Variants in ABCC12 observed in about 807,000 individuals in gnomAD.
The protein encoded by ABCC12 is ATP binding cassette subfamily C member 12, also known as ATP-binding cassette sub-family C member 12.
Under a neutral mutation model 151.1 loss-of-function variants are expected in ABCC12, and 142 were observed. The ratio of observed to expected loss-of-function variants is 0.94; its 90% CI spans 0.82 to 1.08. The LOEUF (loss-of-function observed/expected upper bound fraction) is 1.08. Among genes scored for constraint, ABCC12 ranks in the 50% least tolerant of loss-of-function variants. ABCC12 has a pLI of 0.00. For missense variants in ABCC12, 1,638 were observed against 1,691.1 expected, an observed-to-expected ratio of 0.97 and a Z score of 0.55; for synonymous variants, 645 against 646.4, an observed-to-expected ratio of 1.00 and a Z score of 0.03.
intron 24 of ABCC12, 175 bp from the exon 25 acceptor site, chr16:48,091,384 G>A: frequency 1.6e-6 from 1 of 618,976 alleles, no homozygotes; most frequent in Non-Finnish European, 2.9e-6. Context: ...ATTCCTGTTC[G>A]GGTGTTTTGC....
chr16:48,086,911 G>C, intron 27 of ABCC12, 92 bp from the exon 28 acceptor site: 1 of 1,062,018 alleles, frequency 9.4e-7, no homozygotes, highest in Non-Finnish European at 1.4e-6. Context: ...GTGGAGGAGG[G>C]TAGGAGGTGG....
At chr16:48,144,170 G>T in intron 3 of ABCC12, 105 bp from the exon 4 acceptor site, 1 of 1,367,222 alleles carries the variant, frequency 7.3e-7, no homozygotes, top group Non-Finnish European at 9.9e-7. Context: ...GCTGCACTCA[G>T]AATCTGTGAC....
chr16:48,086,994 C>G (rs566066183), intron 27 of ABCC12, among the ~76,000 whole-genome samples, 175 bp from the exon 28 acceptor site: 2 of 152,258 alleles, frequency 1.3e-5, no homozygotes, highest in Admixed American at 1.3e-4. Context: ...GACCTCAGGC[C>G]ACGAGACCAA....
At chr16:48,139,481 T>C (rs112203436) in intron 6 of ABCC12, 145 bp from the exon 7 acceptor site, 1 of 794,216 alleles carries the variant, frequency 1.3e-6, no homozygotes, top group African/African-American at 1.7e-5. Context: ...GGGACCAATA[T>C]GATGAGTTTT....
At chr16:48,138,550 TG>T (rs979499547) in intron 7 of ABCC12, among the ~76,000 whole-genome samples, 175 bp from the exon 8 acceptor site, 16 of 152,116 alleles carry the variant, frequency 1.1e-4, no homozygotes, top group Admixed American at 2.6e-4. Context: ...AGGAACACCA[TG>T]GGGGGTCAGG....
intron 2 of ABCC12, among the ~76,000 whole-genome samples, chr16:48,147,628 C>T (rs1461304718): frequency 6.6e-6 from 1 of 152,162 alleles, no homozygotes; most frequent in African/African-American, 2.4e-5. Flanking sequence ...AGAGGAAGGA[C>T]TTACTCAAGA....
chr16:48,133,757 A>G lies in ABCC12; in HGVS notation c.1058T>C (p.Val353Ala), dbSNP rs900784943. 3 of 1,614,166 alleles carry G rather than the reference A, an allele frequency of 1.9e-6. No homozygotes were observed. Among genetic ancestry groups the G allele is most frequent in the Non-Finnish European group, 2.5e-6 (3 of 1,180,034 alleles). ...QSGNSALAPI[V>A]STIAIVLTLS... ...TGTCAGCACGATGGCTATGGTGGACACGATGGGGGCCAGGGCAGAGTTTCC... is the reference window on the plus strand; with the variant it reads ...TGTCAGCACGATGGCTATGGTGGACGCGATGGGGGCCAGGGCAGAGTTTCC... Residue 353 changes from valine to alanine, a missense_variant, in exon 9 of 31, where the codon GTG (valine) becomes GCG (alanine). By Grantham distance (64) the Val-to-Ala change is moderately conservative (BLOSUM62 0). Coordinates refer to ENST00000311303, the MANE Select transcript of ABCC12 (RefSeq NM_001393797.1).
chr16:48,143,931 G>A lies in ABCC12; in HGVS notation c.254C>T (p.Ser85Leu), dbSNP rs769436279. 5.6e-6 allele frequency: 9 copies of A among 1,613,876 alleles called. No individual in the cohort carries two copies. In the Admixed American group the frequency reaches 8.3e-5, roughly 15 times the overall value. ...GTACCTTTTGGCATTGGTGTCAGAT[G>A]AGTCATATGTCGACAATGGGGGCAG... The part of the protein sequence containing the change: ...DTLPPLSTYD[S>L]SDTNAKRFRV... Residue 85 changes from serine to leucine, a missense_variant, in exon 4 of 31, where the codon TCA becomes TTA. Transcript: ENST00000311303.
Position 48,094,717 on chromosome 16 carries a change from C to T in ABCC12, c.3195+2029G>A, listed in dbSNP as rs1963031439. ...GGATAAATTGGGCTCTCTGAATAGT[C>T]CCCTGCATAAAAACTCCTTTAAGTC... On this transcript the variant is annotated intron_variant, in intron 24 of 30. Transcript: ENST00000311303. Among the ~76,000 whole-genome samples, 3 of 152,272 alleles carry T rather than the reference C, an allele frequency of 2.0e-5. No individual in the cohort carries two copies. In the South Asian group the frequency reaches 6.2e-4, roughly 32 times the overall value.
At chr16:48,093,650 A>T (rs1436864104) in intron 24 of ABCC12, among the ~76,000 whole-genome samples, 1 of 152,190 alleles carries the variant, frequency 6.6e-6, no homozygotes, top group African/African-American at 2.4e-5. Context: ...CCACTAGCAC[A>T]GTTCCTGGCT....
Position 48,083,612 on chromosome 16 carries a change from G to GA in ABCC12, c.*102dup. ...GCTCACTCCGTGGATGGGAGGGGCT[G>GA]AAGACCAGGGCTGCCTGCGGAGAGG... is the stretch of plus-strand genomic sequence containing the variant. On this transcript the variant is annotated 3_prime_UTR_variant, in exon 31 of 31. Coordinates refer to ENST00000311303, the MANE Select transcript of ABCC12 (RefSeq NM_001393797.1). The GA allele has an allele frequency of 8.2e-7, 1 of 1,212,628 alleles. No individual in the cohort carries two copies. The highest frequency in any genetic ancestry group is 1.3e-5 in the South Asian group (1 of 74,230). The allele number at this position is 1,212,628 out of a possible 1,614,324, so 75.1% of individuals were successfully genotyped here.
At chr16:48,107,946 T>C (rs1012659279) in intron 19 of ABCC12, among the ~76,000 whole-genome samples, 1 of 148,486 alleles carries the variant, frequency 6.7e-6, no homozygotes, top group African/African-American at 2.5e-5. Context: ...AGGTTGGAGG[T>C]TGCAGTCAGC....
At chr16:48,115,751 C>T (rs778750380) in intron 14 of ABCC12, 133 bp from the exon 15 acceptor site, 22 of 956,248 alleles carry the variant, frequency 2.3e-5, no homozygotes, top group Admixed American at 5.7e-5. Flanking sequence ...CAAGTTCCTC[C>T]GCCCCTTACA....
At chr16:48,139,038 T>A in intron 7 of ABCC12, 125 bp downstream of exon 7, 2 of 1,146,492 alleles carry the variant, frequency 1.7e-6, no homozygotes. Context: ...CCAAAGGAAG[T>A]AAATCTGTGA....
intron 13 of ABCC12, among the ~76,000 whole-genome samples, chr16:48,118,715 C>A (rs970907459): frequency 6.6e-6 from 1 of 152,208 alleles, no homozygotes; most frequent in Non-Finnish European, 1.5e-5. Context: ...CAAAACAGAA[C>A]CTGGGCACAG....
intron 13 of ABCC12, among the ~76,000 whole-genome samples, chr16:48,120,424 T>C (rs998657697): frequency 6.6e-6 from 1 of 152,158 alleles, no homozygotes; most frequent in Admixed American, 6.5e-5. Flanking sequence ...CATCACACTA[T>C]ATACCCCTGT....
At chr16:48,105,039 G>A (rs1449257725) in intron 21 of ABCC12, 100 bp downstream of exon 21, 3 of 1,374,474 alleles carry the variant, frequency 2.2e-6, no homozygotes, top group East Asian at 4.6e-5. Flanking sequence ...GAGGGCTCTG[G>A]CTGTCCCCAG....
rs374634800 is a variant in ABCC12 at position 48,133,740 on chromosome 16, C to T, written c.1075G>A (p.Val359Met). 8.8e-5 allele frequency: 142 copies of T among 1,613,984 alleles called. No individual in the cohort carries two copies. Among genetic ancestry groups the T allele is most frequent in the Non-Finnish European group, 1.1e-4 (131 of 1,180,022 alleles). The part of the protein sequence containing the change: ...LAPIVSTIAI[V>M]LTLSCHILLR... ...AGGATGTGGCAGGATAATGTCAGCA[C>T]GATGGCTATGGTGGACACGATGGGG... The change falls in exon 9 of 31, where the codon GTG becomes ATG. Residue 359 changes from valine (V) to methionine (M), a missense_variant. Physicochemically the swap from Val to Met is conservative, Grantham distance 21 (BLOSUM62 1). Transcript: ENST00000311303.
At chr16:48,154,101 T>A (rs893113849) in intron 1 of ABCC12, among the ~76,000 whole-genome samples, 2 of 152,156 alleles carry the variant, frequency 1.3e-5, no homozygotes, top group South Asian at 4.1e-4. Context: ...GCAGCCATCA[T>A]GGCTCTGTTC....
Sources: allele counts gnomAD v4.1 joint callset (sites outside exome capture counted in the v4.1 genomes callset), GRCh38; gene constraint gnomAD v4.1.1; transcripts MANE v1.5; gene names NCBI Gene and HGNC (gene_info 2026-07-23, HGNC 2026-07-21).